Variants in DOCK10 observed in about 807,000 individuals in gnomAD.
DOCK10 encodes dedicator of cytokinesis protein 10.
In DOCK10, 145 loss-of-function variants were observed where a neutral mutation model predicts 280.1. That is an observed-to-expected ratio of 0.52 (90% CI 0.45 to 0.59). The LOEUF (loss-of-function observed/expected upper bound fraction) is 0.59, where lower values mean the gene tolerates loss of function less well. Among genes scored for constraint, DOCK10 ranks in the 20% least tolerant of loss-of-function variants. DOCK10 has a pLI of 0.00. For missense variants in DOCK10, 2,368 were observed against 2,651.7 expected (o/e 0.89, Z 2.35); for synonymous variants, 915 against 942.2 (o/e 0.97, Z 0.53).
At chr2:224,832,323 G>A (rs769797512) in intron 26 of DOCK10, among the ~76,000 whole-genome samples, 5 of 152,128 alleles carry the variant, frequency 3.3e-5, no homozygotes, top group Non-Finnish European at 5.9e-5. Context: ...TCTGTGGTTC[G>A]TTTATGTTGA....
chr2:224,951,212 T>C (rs1046785446), intron 1 of DOCK10, among the ~76,000 whole-genome samples: 6 of 152,200 alleles, frequency 3.9e-5, no homozygotes, highest in Admixed American at 2.6e-4. Flanking sequence ...TGTGAAACAA[T>C]ATATGTGAGT....
At chr2:224,857,068 CATTT>C (rs762068234) in intron 14 of DOCK10, 86 bp from the exon 15 acceptor site, 442 of 1,107,142 alleles carry the variant, frequency 4.0e-4, no homozygotes, top group Admixed American at 5.5e-4. Flanking sequence ...TTAAACTTCT[CATTT>C]ATAATCAGAG....
intron 1 of DOCK10, among the ~76,000 whole-genome samples, chr2:225,037,060 A>G (rs1282216081): frequency 6.6e-6 from 1 of 152,224 alleles, no homozygotes; most frequent in East Asian, 1.9e-4. Context: ...ATGGTAATAC[A>G]TACTCCCAGA....
intron 1 of DOCK10, among the ~76,000 whole-genome samples, chr2:224,988,889 A>T (rs1235856529): frequency 6.6e-6 from 1 of 152,228 alleles, no homozygotes; most frequent in East Asian, 1.9e-4. Context: ...GCATATATTT[A>T]GAATACAGAA....
rs2125212454 is a variant in DOCK10, at chr2:224,805,414, A to G, written c.3930T>C (p.Cys1310=). 4 of 1,612,812 alleles carry G rather than the reference A, an allele frequency of 2.5e-6. No homozygotes were observed. The highest frequency in any genetic ancestry group is 2.5e-6 in the Non-Finnish European group (3 of 1,179,174). ...TTTGAGAGGGAAGTCATACCTTTTC[A>G]CAGTTGTCCGTCTTCTCACTGCTCT... is the stretch of plus-strand genomic sequence containing the variant. ...NEKSSEKTDN[C]EKIPRPLSLI... Residue 1310 remains cysteine, a synonymous_variant, in exon 35 of 56, where the codon TGT becomes TGC. Coordinates refer to ENST00000258390, the MANE Select transcript of DOCK10 (RefSeq NM_014689.3). This position sits in a 1 kb window ranked among gnomAD's most constrained non-coding sequence, Gnocchi z 4.3.
chr2:224,795,264 C>T, intron 44 of DOCK10, 170 bp from the exon 45 acceptor site: 1 of 621,772 alleles, frequency 1.6e-6, no homozygotes, highest in East Asian at 2.8e-5. Flanking sequence ...ACTGTGGATA[C>T]ACACATTTGA....
At chr2:224,987,483 G>T (rs188316040) in intron 1 of DOCK10, among the ~76,000 whole-genome samples, 87 of 152,198 alleles carry the variant, frequency 5.7e-4, no homozygotes, top group African/African-American at 2.0e-3. Flanking sequence ...CCCAAGAAGG[G>T]CAAATACTTC....
At chr2:225,011,980 C>G (rs1035166775) in intron 1 of DOCK10, among the ~76,000 whole-genome samples, 2 of 152,046 alleles carry the variant, frequency 1.3e-5, no homozygotes, top group Admixed American at 1.3e-4. Context: ...AAAAATAAGC[C>G]TTCTAAATTC....
chr2:224,825,731 A>T (rs559068210), intron 27 of DOCK10, among the ~76,000 whole-genome samples: 1 of 152,348 alleles, frequency 6.6e-6, no homozygotes, highest in Admixed American at 6.5e-5. Context: ...GAGTACTTTT[A>T]AAACTGTTTT....
chr2:224,796,255 AAAAG>A, intron 44 of DOCK10, 57 bp downstream of exon 44: 1 of 1,050,242 alleles, frequency 9.5e-7, no homozygotes, highest in South Asian at 1.4e-5. Context: ...ATATCTCACA[AAAAG>A]AATCCACTTC....
At chr2:224,820,180 C>G (rs754333916) in intron 28 of DOCK10, among the ~76,000 whole-genome samples, 2 of 152,162 alleles carry the variant, frequency 1.3e-5, no homozygotes, top group Admixed American at 6.5e-5. Flanking sequence ...GGAAGGAGAT[C>G]GTAAGATTTC....
At chr2:224,791,551 A>C (rs1176124639) in intron 47 of DOCK10, among the ~76,000 whole-genome samples, 1 of 146,368 alleles carries the variant, frequency 6.8e-6, no homozygotes, top group African/African-American at 2.6e-5. Flanking sequence ...TGCAACCTCC[A>C]CCTCCTGGGT....
chr2:224,960,159 T>C (rs1478199260), intron 1 of DOCK10, among the ~76,000 whole-genome samples: 3 of 152,218 alleles, frequency 2.0e-5, no homozygotes, highest in Non-Finnish European at 2.9e-5. Flanking sequence ...TCTTGAATGC[T>C]GCACATTTAT....
chr2:224,960,797 T>G (rs1478577067), intron 1 of DOCK10, among the ~76,000 whole-genome samples: 3 of 136,654 alleles, frequency 2.2e-5, no homozygotes, highest in Non-Finnish European at 4.6e-5. Context: ...TGGAGTGCAG[T>G]GGCGCTATCT....
intron 1 of DOCK10, among the ~76,000 whole-genome samples, chr2:224,952,813 C>T (rs1703831778): frequency 6.6e-6 from 1 of 151,962 alleles, no homozygotes; most frequent in African/African-American, 2.4e-5. Context: ...GGGATGGTCT[C>T]GATCTCCTGA....
intron 30 of DOCK10, 53 bp downstream of exon 30, chr2:224,816,564 A>G: frequency 9.2e-7 from 1 of 1,082,908 alleles, no homozygotes; most frequent in African/African-American, 1.6e-5. Flanking sequence ...AAAACGAACA[A>G]ACAAAAGCAT....
intron 24 of DOCK10, among the ~76,000 whole-genome samples, chr2:224,838,365 A>C (rs1695726964): frequency 6.6e-6 from 1 of 152,172 alleles, no homozygotes; most frequent in Non-Finnish European, 1.5e-5. Context: ...TTCTAGCAGC[A>C]ATGATGTACA....
intron 15 of DOCK10, among the ~76,000 whole-genome samples, chr2:224,856,148 CA>C (rs1559574072): frequency 6.6e-6 from 1 of 152,138 alleles, no homozygotes; most frequent in Non-Finnish European, 1.5e-5. Context: ...CATTTGTCAG[CA>C]CATCACTGAG....
intron 1 of DOCK10, among the ~76,000 whole-genome samples, chr2:225,036,170 T>A (rs545159475): frequency 7.2e-5 from 11 of 152,328 alleles, no homozygotes; most frequent in Non-Finnish European, 1.3e-4. Flanking sequence ...TGAGAACTTG[T>A]GCTGATTTAG....
Sources: allele counts gnomAD v4.1 joint callset (sites outside exome capture counted in the v4.1 genomes callset), GRCh38; gene constraint gnomAD v4.1.1; non-coding constraint Gnocchi (gnomAD v3.1); transcripts MANE v1.5; gene names NCBI Gene and HGNC (gene_info 2026-07-23, HGNC 2026-07-21).